Variants in XKR6 observed in about 807,000 individuals in gnomAD.
The protein encoded by XKR6 is XK-related protein 6.
XKR6 carries 22 observed loss-of-function variants against 56.7 expected under a neutral mutation model. The observed-to-expected ratio is 0.39, with a 90% CI of 0.28 to 0.55. The LOEUF (loss-of-function observed/expected upper bound fraction) is 0.55, where lower values mean the gene tolerates loss of function less well. Among genes scored for constraint, XKR6 ranks in the 20% least tolerant of loss-of-function variants. The pLI, the probability that XKR6 is intolerant of heterozygous loss-of-function variation, is 0.66. For synonymous variants in XKR6, 524 were observed against 387.8 expected, an observed-to-expected ratio of 1.35 and a Z score of -4.13; for missense variants, 852 against 889.0, an observed-to-expected ratio of 0.96 and a Z score of 0.53.
chr8:11,158,067 G>T (rs1013639974), intron 1 of XKR6, among the ~76,000 whole-genome samples: 7 of 152,126 alleles, frequency 4.6e-5, no homozygotes, highest in African/African-American at 1.2e-4. Flanking sequence ...AGCTTCAAAC[G>T]TGTAATCAGT....
At chr8:11,144,059 T>A (rs1481546802) in intron 1 of XKR6, among the ~76,000 whole-genome samples, 1 of 152,072 alleles carries the variant, frequency 6.6e-6, no homozygotes, top group Non-Finnish European at 1.5e-5. Context: ...AGACCCCCCG[T>A]CAATGACCTC....
chr8:11,101,471 ATT>A (rs899962276), intron 1 of XKR6, among the ~76,000 whole-genome samples: 1 of 148,006 alleles, frequency 6.8e-6, no homozygotes, highest in African/African-American at 2.7e-5. Context: ...CTCTAAAATT[ATT>A]TACAAATTAT....
intron 1 of XKR6, among the ~76,000 whole-genome samples, chr8:11,065,501 C>T (rs994891426): frequency 1.3e-5 from 2 of 152,098 alleles, no homozygotes; most frequent in African/African-American, 2.4e-5. Flanking sequence ...CCGTGATGAG[C>T]GTCATATCAG....
chr8:11,195,658 T>C (rs1447400765), intron 1 of XKR6, among the ~76,000 whole-genome samples: 1 of 151,804 alleles, frequency 6.6e-6, no homozygotes, highest in Non-Finnish European at 1.5e-5. Context: ...GTTTCTTTTT[T>C]TTTTTTTTGA....
At chr8:11,144,232 G>GTC (rs1800864185) in intron 1 of XKR6, among the ~76,000 whole-genome samples, 1 of 150,076 alleles carries the variant, frequency 6.7e-6, no homozygotes. Flanking sequence ...AAGTGTGTGT[G>GTC]TGTGTGTGTG....
chr8:11,054,794 G>C (rs1799639663), intron 1 of XKR6, among the ~76,000 whole-genome samples: 1 of 152,230 alleles, frequency 6.6e-6, no homozygotes, highest in Non-Finnish European at 1.5e-5. Flanking sequence ...GGGGCTGCCA[G>C]GGTGGTGCTC....
At chr8:11,092,701 A>G (rs1329191961) in intron 1 of XKR6, among the ~76,000 whole-genome samples, 1 of 152,268 alleles carries the variant, frequency 6.6e-6, no homozygotes, top group African/African-American at 2.4e-5. Flanking sequence ...ATGATGATCA[A>G]GAACCTCATT....
At chr8:10,900,071 C>A (rs1056652539) in intron 2 of XKR6, among the ~76,000 whole-genome samples, 73 of 152,086 alleles carry the variant, frequency 4.8e-4, no homozygotes, top group African/African-American at 1.6e-3. Context: ...TCTTTTCTCC[C>A]AAAATTTCAC....
chr8:10,962,252 C>A (rs927099187), intron 1 of XKR6, among the ~76,000 whole-genome samples: 1 of 152,144 alleles, frequency 6.6e-6, no homozygotes, highest in African/African-American at 2.4e-5. Flanking sequence ...TATTATCATA[C>A]AATAGAGGTG....
At chr8:10,906,555 G>A (rs887590626) in intron 2 of XKR6, among the ~76,000 whole-genome samples, 8 of 152,198 alleles carry the variant, frequency 5.3e-5, no homozygotes, top group Admixed American at 1.3e-4. Flanking sequence ...AAGTAATTGC[G>A]GTTTTGCCAT....
chr8:11,141,651 G>A (rs866428766), intron 1 of XKR6, among the ~76,000 whole-genome samples: 3 of 152,226 alleles, frequency 2.0e-5, no homozygotes, highest in South Asian at 2.1e-4. Context: ...CGTCACTGAC[G>A]GCTCCACAGC....
intron 1 of XKR6, among the ~76,000 whole-genome samples, chr8:11,004,934 C>T (rs1250993011): frequency 6.6e-6 from 1 of 152,114 alleles, no homozygotes; most frequent in South Asian, 2.1e-4. Context: ...ATCAGCCAAT[C>T]ACATAAAGAC....
rs2293853 is a variant in XKR6, at chr8:11,113,810, A to G, written c.764+86766T>C. 759 of 168,336 alleles carry G rather than the reference A, an allele frequency of 4.5e-3. 21 individuals are homozygous for G. Among genetic ancestry groups the G allele is most frequent in the Admixed American group, 0.035 (571 of 16,536 alleles). The allele number at this position is 168,336 out of a possible 1,614,324, so 10.4% of individuals were successfully genotyped here. On this transcript the variant is annotated intron_variant, in intron 1 of 2. Coordinates refer to ENST00000416569, the MANE Select transcript of XKR6 (RefSeq NM_173683.4). ...AAGGTTTAATTAGCATTTATGATGT[A>G]AGCCCTTTTGTAAAACATTTGAGCT... is the stretch of plus-strand genomic sequence containing the variant.
intron 1 of XKR6, among the ~76,000 whole-genome samples, chr8:10,974,875 C>G (rs1411002431): frequency 6.6e-6 from 1 of 152,184 alleles, no homozygotes; most frequent in Non-Finnish European, 1.5e-5. Context: ...TGAAAAGGTT[C>G]TGTAGACGGA....
intron 1 of XKR6, among the ~76,000 whole-genome samples, chr8:11,053,643 G>C (rs1486028434): frequency 1.3e-5 from 2 of 152,176 alleles, no homozygotes; most frequent in East Asian, 3.8e-4. Flanking sequence ...TTTATCAACG[G>C]CTTGTTCTCT....
At chr8:10,939,169 T>G (rs915223313) in intron 1 of XKR6, among the ~76,000 whole-genome samples, 1 of 152,180 alleles carries the variant, frequency 6.6e-6, no homozygotes, top group African/African-American at 2.4e-5. Flanking sequence ...CAAGCAAGTA[T>G]GAGGGCTTCA....
At chr8:11,068,273 C>T (rs912458126) in intron 1 of XKR6, among the ~76,000 whole-genome samples, 1 of 152,144 alleles carries the variant, frequency 6.6e-6, no homozygotes, top group Admixed American at 6.5e-5. Context: ...CTAGAGGCAG[C>T]CTGGGGGCGG....
At chr8:10,918,387 G>A (rs557447300) in intron 2 of XKR6, among the ~76,000 whole-genome samples, 13 of 152,324 alleles carry the variant, frequency 8.5e-5, no homozygotes, top group South Asian at 4.1e-4. Flanking sequence ...CAGAAACATC[G>A]CTTTCTGACC....
chr8:10,904,821 G>T (rs1279658002), intron 2 of XKR6, among the ~76,000 whole-genome samples: 2 of 152,204 alleles, frequency 1.3e-5, no homozygotes, highest in Admixed American at 1.3e-4. Context: ...GTCACCAACT[G>T]CCCCTGAGCC....
Sources: gnomAD v4.1 joint callset for allele counts (sites outside exome capture counted in the v4.1 genomes callset) on GRCh38, gnomAD v4.1.1 for gene constraint, MANE v1.5 for transcripts, NCBI Gene and HGNC (gene_info 2026-07-23, HGNC 2026-07-21) for gene names.